Variants in UBE3B observed in about 807,000 individuals in gnomAD.
UBE3B encodes the protein ubiquitin protein ligase E3B.
A neutral mutation model predicts 132.3 loss-of-function variants in UBE3B; 80 were observed. That is an observed-to-expected ratio of 0.60 (90% CI 0.50 to 0.73). The LOEUF is 0.73. Ranked by LOEUF, UBE3B falls within the 30% of genes least tolerant of loss-of-function variation. The pLI, the probability that UBE3B is intolerant of heterozygous loss-of-function variation, is 0.00. For synonymous variants in UBE3B, 487 were observed against 520.4 expected (o/e 0.94, Z 0.87); for missense variants, 1,196 against 1,362.5 (o/e 0.88, Z 1.92).
intron 8 of UBE3B, chr12:109,490,631 C>A (rs1298251722): frequency 6.5e-7 from 1 of 1,529,440 alleles, no homozygotes; most frequent in Non-Finnish European, 8.7e-7. Flanking sequence ...TAAACGGCTT[C>A]TAAAATAATA....
chr12:109,503,378 G>C (rs1290545970), intron 14 of UBE3B, among the ~76,000 whole-genome samples, 188 bp downstream of exon 14: 1 of 152,000 alleles, frequency 6.6e-6, no homozygotes, highest in Non-Finnish European at 1.5e-5. Flanking sequence ...TCAATCATAA[G>C]CACTTGCATC....
intron 4 of UBE3B, 150 bp downstream of exon 4, chr12:109,484,131 G>A: frequency 1.2e-6 from 1 of 801,334 alleles, no homozygotes; most frequent in Non-Finnish European, 1.9e-6. Context: ...ACCTGTTTTG[G>A]AGGGATTATG....
At chr12:109,544,811 A>G in the UBE3B span, among the ~76,000 whole-genome samples, 4 of 152,244 alleles carry the variant, frequency 2.6e-5, no homozygotes, top group Admixed American at 6.5e-5. Flanking sequence ...GTATTTCTCC[A>G]TAACGCTGGT....
At position 109,534,905 on chromosome 12, in the gene UBE3B, T is replaced by A; in HGVS notation, c.*123T>A. On this transcript the variant is annotated 3_prime_UTR_variant, in exon 28 of 28. Coordinates refer to ENST00000342494, the MANE Select transcript of UBE3B (RefSeq NM_130466.4). The surrounding 1 kb of genome is among the most constrained non-coding windows in gnomAD (Gnocchi z 5.2). ...GACATTGGCCCCTAGACCCTCTCTA[T>A]AGCCATGAGACTCCTTGTGGCCTCA... 2 of 764,036 alleles carry A rather than the reference T, an allele frequency of 2.6e-6. No homozygotes were observed. Among genetic ancestry groups the A allele is most frequent in the Non-Finnish European group, 3.9e-6 (2 of 514,466 alleles). The allele number at this position is 764,036 out of a possible 1,614,324, so 47.3% of individuals were successfully genotyped here. A position where few individuals can be genotyped will look rare whatever the true frequency, so the allele number is the denominator to read the frequency against.
downstream of UBE3B, among the ~76,000 whole-genome samples, chr12:109,539,876 C>T (rs531020774): frequency 7.2e-5 from 11 of 152,150 alleles, no homozygotes; most frequent in South Asian, 2.1e-3. Context: ...CACCCGGGGA[C>T]CAGCAGTTGC....
Position 109,516,771 on chromosome 12 carries a change from C to T in UBE3B, c.1963C>T (p.Leu655=), listed in dbSNP as rs565691993. 1.2e-6 allele frequency: 2 copies of T among 1,613,860 alleles called. No homozygotes were observed. The highest frequency in any genetic ancestry group is 3.3e-5 in the Admixed American group (2 of 59,976). Residue 655 remains leucine, a synonymous_variant, in exon 19 of 28, where the codon CTA becomes TTA. Coordinates refer to ENST00000342494, the MANE Select transcript of UBE3B (RefSeq NM_130466.4). The part of the protein sequence containing the change: ...PHVIPHKNRV[L]LFRTMVTKEK... Reference sequence around the variant, plus strand: ...CCGCCTTTGTTCATTTTAGAGAGTTCTACTGTTTCGAACCATGGTTACCAA... The same window carrying T: ...CCGCCTTTGTTCATTTTAGAGAGTTTTACTGTTTCGAACCATGGTTACCAA...
At chr12:109,502,380 TCTCGTTGCACG>T (rs1879112379) in intron 13 of UBE3B, among the ~76,000 whole-genome samples, 1 of 152,210 alleles carries the variant, frequency 6.6e-6, no homozygotes, top group South Asian at 2.1e-4. Flanking sequence ...ATGGGAAGGT[TCTCGTTGCACG>T]CTCTTATTAA....
intron 13 of UBE3B, 46 bp downstream of exon 13, chr12:109,501,580 A>G: frequency 6.3e-7 from 1 of 1,584,038 alleles, no homozygotes; most frequent in Middle Eastern, 1.7e-4. Flanking sequence ...ACTTGGCTGA[A>G]GTACAGCTCC....
chr12:109,498,068 T>A, intron 10 of UBE3B, 145 bp downstream of exon 10: 1 of 1,314,192 alleles, frequency 7.6e-7, no homozygotes, highest in Non-Finnish European at 1.1e-6. Context: ...ATAGACACAT[T>A]TGTGTTAGTA....
intron 21 of UBE3B, among the ~76,000 whole-genome samples, chr12:109,523,205 T>C (rs1453371864): frequency 6.6e-6 from 1 of 152,216 alleles, no homozygotes; most frequent in African/African-American, 2.4e-5. Flanking sequence ...CCAGTCCACA[T>C]GTCTCTCTCC....
chr12:109,512,284 G>C (rs976293145), intron 18 of UBE3B, among the ~76,000 whole-genome samples: 1 of 152,130 alleles, frequency 6.6e-6, no homozygotes, highest in Non-Finnish European at 1.5e-5. Flanking sequence ...CAGACGGAGT[G>C]AGAAGTCCAG....
In UBE3B at chr12:109,498,309, A is replaced by T. The variant is rs200787724; in HGVS notation, c.896A>T (p.Asp299Val). Residue 299 changes from aspartate to valine, a missense_variant, in exon 11 of 28, where the codon GAT (aspartate) becomes GTT (valine). Asp to Val is a radical substitution (Grantham distance 152, BLOSUM62 -3). Transcript: ENST00000342494. ...IFLRDQDRCR[D>V]VCESLEGCHT... ...TTAAGAGACCAAGATCGATGCCGTG[A>T]TGTATGTGAAAGTTTAGAAGGATGC... 1.9e-6 allele frequency: 3 copies of T among 1,614,114 alleles called. No individual in the cohort carries two copies. The highest frequency in any genetic ancestry group is 3.3e-5 in the Admixed American group (2 of 60,016).
In UBE3B at chr12:109,512,343, G is replaced by A. The variant is rs186731336; in HGVS notation, c.1956+1040G>A. Among the ~76,000 whole-genome samples the A allele has an allele frequency of 2.1e-3, 313 of 152,234 alleles. 3 individuals are homozygous for A. Among genetic ancestry groups the A allele is most frequent in the Non-Finnish European group, 7.3e-4 (50 of 68,030 alleles). ...GACCCGTCCCACAGAGGGCCAACAC[G>A]AGGAGGGAAGGAGGGAAACCAGGAG... On this transcript the variant is annotated intron_variant, in intron 18 of 27. Coordinates refer to ENST00000342494, the MANE Select transcript of UBE3B (RefSeq NM_130466.4).
chr12:109,522,204 C>T lies in UBE3B; in HGVS notation c.2364+653C>T, dbSNP rs2136073184. ...GAGGAGGGCCTTCTACGGTGCCCAGCCAGCTGCTCACACCAGGTGGATCGG... is the reference window on the plus strand; with the variant it reads ...GAGGAGGGCCTTCTACGGTGCCCAGTCAGCTGCTCACACCAGGTGGATCGG... On this transcript the variant is annotated intron_variant, in intron 21 of 27. Coordinates refer to ENST00000342494, the MANE Select transcript of UBE3B (RefSeq NM_130466.4). The surrounding 1 kb of genome is among the most constrained non-coding windows in gnomAD (Gnocchi z 4.2). 6.6e-6 allele frequency among the ~76,000 whole-genome samples: 1 copy of T among 152,308 alleles called. No individual in the cohort carries two copies. The highest frequency in any genetic ancestry group is 3.4e-3 in the Middle Eastern group (1 of 294).
chr12:109,533,634 C>T (rs1427048620), intron 27 of UBE3B, 76 bp downstream of exon 27: 16 of 1,344,548 alleles, frequency 1.2e-5, no homozygotes, highest in East Asian at 6.9e-5. Flanking sequence ...CTGTGCAAGG[C>T]CCTTATCTAG....
At chr12:109,486,215 G>T in intron 5 of UBE3B, 144 bp downstream of exon 5, 1 of 922,678 alleles carries the variant, frequency 1.1e-6, no homozygotes, top group Non-Finnish European at 1.6e-6. Context: ...AAGTACAAAT[G>T]ATTCCTTAGT....
Position 109,497,846 on chromosome 12 carries a change from A to G in UBE3B, c.742A>G (p.Asn248Asp), listed in dbSNP as rs375236597. The change falls in exon 10 of 28, where the codon AAT (asparagine) becomes GAT (aspartate). Residue 248 changes from asparagine (N) to aspartate (D), a missense_variant. Transcript: ENST00000342494. Reference protein sequence around the residue: ...RPVIAAQFSDNLIRPFLIHIM... With the variant: ...RPVIAAQFSDDLIRPFLIHIM... ...TGTGATTGCTGCACAGTTCTCAGAC[A>G]ATCTGATTCGGCCGTTCCTCATCCA... 51 of 1,614,074 alleles carry G rather than the reference A, an allele frequency of 3.2e-5. No individual in the cohort carries two copies. The highest frequency in any genetic ancestry group is 2.4e-4 in the South Asian group (22 of 91,086).
At chr12:109,512,763 G>A (rs1392738499) in intron 18 of UBE3B, among the ~76,000 whole-genome samples, 1 of 152,122 alleles carries the variant, frequency 6.6e-6, no homozygotes, top group African/African-American at 2.4e-5. Context: ...AAACAATGTG[G>A]CTGTTTAAAT....
intron 4 of UBE3B, among the ~76,000 whole-genome samples, chr12:109,484,869 G>T (rs1486516058): frequency 6.6e-6 from 1 of 152,042 alleles, no homozygotes; most frequent in Non-Finnish European, 1.5e-5. Context: ...CGATTCTTCT[G>T]CCTCAGCCTC....
Sources: allele counts gnomAD v4.1 joint callset (sites outside exome capture counted in the v4.1 genomes callset), GRCh38; gene constraint gnomAD v4.1.1; non-coding constraint Gnocchi (gnomAD v3.1); transcripts MANE v1.5; gene names NCBI Gene and HGNC (gene_info 2026-07-23, HGNC 2026-07-21).